Variants in PIGN observed in about 807,000 individuals in gnomAD.
PIGN encodes the protein phosphatidylinositol glycan anchor biosynthesis class N, also known as GPI ethanolamine phosphate transferase 1.
PIGN carries 117 observed loss-of-function variants against 125.4 expected under a neutral mutation model. The ratio of observed to expected loss-of-function variants is 0.93; its 90% CI spans 0.80 to 1.09. PIGN has a LOEUF of 1.09. Among genes scored for constraint, PIGN ranks in the 50% least tolerant of loss-of-function variants. The pLI, the probability that PIGN is intolerant of heterozygous loss-of-function variation, is 0.00. For synonymous variants in PIGN, 392 were observed against 377.8 expected, an observed-to-expected ratio of 1.04 and a Z score of -0.44; for missense variants, 1,075 against 1,094.9, an observed-to-expected ratio of 0.98 and a Z score of 0.26.
At chr18:62,145,880 T>C (rs768593432) in intron 10 of PIGN, 29 bp downstream of exon 10, 5 of 1,097,392 alleles carry the variant, frequency 4.6e-6, no homozygotes, top group South Asian at 4.0e-5. Flanking sequence ...AGAGGTTGTA[T>C]TTATAAACCA....
At chr18:62,061,723 G>A (rs942628025) in intron 30 of PIGN, among the ~76,000 whole-genome samples, 5 of 152,108 alleles carry the variant, frequency 3.3e-5, no homozygotes, top group Non-Finnish European at 7.3e-5. Flanking sequence ...AGCTCTGCCG[G>A]TCAGTTTATA....
Position 62,148,227 on chromosome 18 carries a change from G to A in PIGN, c.661C>T (p.Arg221Ter), listed in dbSNP as rs1382897257. ...ATATTAAATTACCTCGAGGATGGTC[G>A]ATGAGCATGTCCGTTTGTATCTATT... ...LGIDTNGHAH[R>*]PSSRDYKHNI... is the part of the protein sequence containing the mutation. The change falls in exon 8 of 31, where the codon CGA (arginine) becomes TGA (stop). Residue 221 changes from arginine to a stop codon, truncating the protein, a stop_gained. Coordinates refer to ENST00000640252, the MANE Select transcript of PIGN (RefSeq NM_176787.5). LOFTEE classifies it high-confidence loss of function. 3.9e-6 allele frequency: 6 copies of A among 1,542,724 alleles called. No individual in the cohort carries two copies. The highest frequency in any genetic ancestry group is 4.9e-5 in the East Asian group (2 of 40,786).
At chr18:62,174,501 C>G (rs1196217508) in intron 1 of PIGN, 6 of 152,104 alleles carry the variant, frequency 3.9e-5, no homozygotes, top group Non-Finnish European at 7.4e-5. Flanking sequence ...AAAGAACAAG[C>G]TGAAGGCCAG....
downstream of PIGN, among the ~76,000 whole-genome samples, chr18:62,039,762 C>A (rs1337725192): frequency 6.0e-5 from 5 of 83,750 alleles, no homozygotes; most frequent in Admixed American, 2.7e-4. Flanking sequence ...GGTGCCGCAC[C>A]CCATGTTTAG....
Position 62,074,981 on chromosome 18 carries a change from C to T in PIGN, c.2577-160G>A, listed in dbSNP as rs925621613. Reference sequence around the variant, plus strand: ...GTTCTTTTCATATTATCATGGGTGACCATACCATAGAGATGAGCTGGACTG... The same window carrying T: ...GTTCTTTTCATATTATCATGGGTGATCATACCATAGAGATGAGCTGGACTG... On this transcript the variant is annotated intron_variant, in intron 28 of 30. Coordinates refer to ENST00000640252, the MANE Select transcript of PIGN (RefSeq NM_176787.5). 7 of 545,566 alleles carry T rather than the reference C, an allele frequency of 1.3e-5. No homozygotes were observed. In the Admixed American group the frequency reaches 2.2e-4, roughly 17 times the overall value. 33.8% of individuals were successfully genotyped at this position (545,566 alleles called of 1,614,324 possible).
At chr18:62,070,835 A>T (rs961479799) in intron 30 of PIGN, among the ~76,000 whole-genome samples, 3 of 151,876 alleles carry the variant, frequency 2.0e-5, no homozygotes, top group Non-Finnish European at 4.4e-5. Context: ...ATGGGATATC[A>T]CTCTGTGGCC....
Position 62,042,973 on chromosome 18 carries a change from A to G in PIGN, c.*2883T>C, listed in dbSNP as rs1177588808. ...GCTTATACAGAAATGGGAAAATGCTACAAAGATATTGCCATAGTACTGAAA... is the reference window on the plus strand; with the variant it reads ...GCTTATACAGAAATGGGAAAATGCTGCAAAGATATTGCCATAGTACTGAAA... On this transcript the variant is annotated 3_prime_UTR_variant, in exon 31 of 31. Transcript: ENST00000640252. 6.6e-6 allele frequency: 1 copy of G among 152,172 alleles called. No individual in the cohort carries two copies. The highest frequency in any genetic ancestry group is 6.5e-5 in the Admixed American group (1 of 15,280). 9.4% of individuals were successfully genotyped at this position (152,172 alleles called of 1,614,324 possible).
At position 62,041,883 on chromosome 18, in the gene PIGN, G is replaced by T. The variant is rs984807312; in HGVS notation, c.*3973C>A. 6.6e-6 allele frequency: 1 copy of T among 152,078 alleles called. No individual in the cohort carries two copies. Among genetic ancestry groups the T allele is most frequent in the Non-Finnish European group, 1.5e-5 (1 of 68,026 alleles). The allele number at this position is 152,078 out of a possible 1,614,324, so 9.4% of individuals were successfully genotyped here. ...GGAAGAAAACTCTAAGACAGGGTCT[G>T]CTGTCAAGCTAGTGGAAACTTTTGG... On this transcript the variant is annotated 3_prime_UTR_variant, in exon 31 of 31. Transcript: ENST00000640252.
intron 15 of PIGN, 35 bp downstream of exon 15, chr18:62,114,526 T>C (rs1266655899): frequency 7.9e-7 from 1 of 1,259,688 alleles, no homozygotes; most frequent in Non-Finnish European, 1.1e-6. Context: ...AAAATGATAA[T>C]CAGCTATTTA....
At chr18:62,116,097 A>G (rs2035077527) in intron 14 of PIGN, among the ~76,000 whole-genome samples, 1 of 152,226 alleles carries the variant, frequency 6.6e-6, no homozygotes, top group Admixed American at 6.5e-5. Flanking sequence ...AAAAGGTGCC[A>G]CAAGGCAAAA....
intron 1 of PIGN, among the ~76,000 whole-genome samples, chr18:62,166,247 C>T (rs920074814): frequency 3.3e-5 from 5 of 152,226 alleles, no homozygotes; most frequent in South Asian, 2.1e-4. Flanking sequence ...ACTGGTATTG[C>T]GCTCTGGTTG....
chr18:62,038,003 A>T (rs189511227), downstream of PIGN, among the ~76,000 whole-genome samples: 61 of 152,350 alleles, frequency 4.0e-4, no homozygotes, highest in Admixed American at 7.2e-4. Context: ...AGGAATGAAC[A>T]TGTAAGAGTT....
chr18:62,090,507 A>G lies in PIGN; in HGVS notation c.2252T>C (p.Leu751Pro). ...TTTACAGCAAACACCAGATTGTTGT[A>G]GAGTTTCTTGTTCTATGTTTATCCA... is the stretch of plus-strand genomic sequence containing the variant. ...FVWINIEQET[L>P]QQSGVCCKQK... Residue 751 changes from leucine to proline, a missense_variant, in exon 24 of 31, where the codon CTA becomes CCA. Leu to Pro is a moderately conservative substitution (Grantham distance 98). Around this residue, in one of 3 missense-constraint regions of PIGN, gnomAD observed 915 missense variants for 908.7 expected, o/e 1.01. Coordinates refer to ENST00000640252, the MANE Select transcript of PIGN (RefSeq NM_176787.5). 6.2e-7 allele frequency: 1 copy of G among 1,609,648 alleles called. No individual in the cohort carries two copies. Among genetic ancestry groups the G allele is most frequent in the South Asian group, 1.1e-5 (1 of 90,050 alleles).
At chr18:62,173,468 G>A (rs1373391134) in intron 1 of PIGN, among the ~76,000 whole-genome samples, 1 of 152,128 alleles carries the variant, frequency 6.6e-6, no homozygotes, top group African/African-American at 2.4e-5. Context: ...CTGGGCTGAA[G>A]CAATCCTCTC....
In PIGN at chr18:62,102,864, C is replaced by T. The variant is rs1427811738; in HGVS notation, c.1898G>A (p.Cys633Tyr). The T allele has an allele frequency of 2.5e-6, 4 of 1,587,226 alleles. No homozygotes were observed. The East Asian group carries it at 9.1e-5, about 36-fold the overall frequency. Residue 633 changes from cysteine to tyrosine, a missense_variant, in exon 21 of 31, where the codon TGT becomes TAT. Transcript: ENST00000640252. ...TCTTTTCATGAGAGATGTTACAACACACAGGGATAACAGAAGAACCAGCAA... is the reference window on the plus strand; with the variant it reads ...TCTTTTCATGAGAGATGTTACAACATACAGGGATAACAGAAGAACCAGCAA... ...AGLLVLLLSL[C>Y]VVTSLMKRKD... is the part of the protein sequence containing the mutation.
chr18:62,072,750 T>C, intron 29 of PIGN, 25 bp from the exon 30 acceptor site: 1 of 1,489,954 alleles, frequency 6.7e-7, no homozygotes, highest in Non-Finnish European at 9.1e-7. Flanking sequence ...AAAGGCTTAA[T>C]GAAAAACAAA....
intron 20 of PIGN, among the ~76,000 whole-genome samples, chr18:62,103,950 C>CATA (rs1415471597): frequency 6.6e-6 from 1 of 152,024 alleles, no homozygotes; most frequent in East Asian, 1.9e-4. Context: ...TATGTTTTTA[C>CATA]TTTAGAACAC....
At chr18:62,151,043 AATATTC>A (rs2036519260) in intron 7 of PIGN, among the ~76,000 whole-genome samples, 1 of 152,132 alleles carries the variant, frequency 6.6e-6, no homozygotes, top group Non-Finnish European at 1.5e-5. Flanking sequence ...TGCAAGATGA[AATATTC>A]TAGAGATTAT....
At position 62,043,173 on chromosome 18, in the gene PIGN, TGA is replaced by T. The variant is rs2030447112; in HGVS notation, c.*2681_*2682del. ...GGGGGTCTTCTCCAAATGACAGAGT[TGA>T]TTAGCTCCATTCTCTTCAGCCCCCT... On this transcript the variant is annotated 3_prime_UTR_variant, in exon 31 of 31. Transcript: ENST00000640252. The T allele has an allele frequency of 6.6e-6, 1 of 152,160 alleles. No homozygotes were observed. Among genetic ancestry groups the T allele is most frequent in the Non-Finnish European group, 1.5e-5 (1 of 68,042 alleles). 9.4% of individuals were successfully genotyped at this position (152,160 alleles called of 1,614,324 possible).
Sources: allele counts gnomAD v4.1 joint callset (sites outside exome capture counted in the v4.1 genomes callset), GRCh38; gene constraint gnomAD v4.1.1; regional missense constraint gnomAD v4.1.1; transcripts MANE v1.5; gene names NCBI Gene and HGNC (gene_info 2026-07-23, HGNC 2026-07-21).